The following GSTO2 variants were observed in gnomAD, a reference collection of about 807,000 sequenced individuals.
GSTO2 encodes the protein glutathione S-transferase omega 2.
A neutral mutation model predicts 28.4 loss-of-function variants in GSTO2; 23 were observed. The observed-to-expected ratio is 0.81, with a 90% CI of 0.58 to 1.15. The LOEUF is 1.15. GSTO2 is among the 50% of genes most tolerant of loss of function. The probability of loss-of-function intolerance (pLI) is 0.00; values close to 1 mark genes in which losing one functional copy is unlikely to be tolerated. For missense variants in GSTO2, 298 were observed against 297.8 expected (o/e 1.00, Z 0.00); for synonymous variants, 109 against 111.0 (o/e 0.98, Z 0.11).
chr10:104,301,741 T>TC lies in GSTO2; in HGVS notation c.*2461dup, dbSNP rs1177561694. On this transcript the variant is annotated 3_prime_UTR_variant, in exon 7 of 7. Coordinates refer to ENST00000338595, the MANE Select transcript of GSTO2 (RefSeq NM_183239.2). ...TTAGTAATTGGTGTCTACCTTTTTT[T>TC]CCCCTTTTCTTTTAAATAATAGAGA... is the stretch of plus-strand genomic sequence containing the variant. The TC allele has an allele frequency of 6.6e-6, 1 of 152,220 alleles. No individual in the cohort carries two copies. Among genetic ancestry groups the TC allele is most frequent in the Non-Finnish European group, 1.5e-5 (1 of 68,030 alleles). The allele number at this position is 152,220 out of a possible 1,614,324, so 9.4% of individuals were successfully genotyped here.
chr10:104,293,194 T>A (rs969709317), intron 5 of GSTO2, among the ~76,000 whole-genome samples: 1 of 152,180 alleles, frequency 6.6e-6, no homozygotes, highest in African/African-American at 2.4e-5. Context: ...AGGAGGAAAT[T>A]CTTTTCACAG....
rs1306142129 is a variant in GSTO2, at chr10:104,297,648, C to G, written c.539C>G (p.Pro180Arg). 7 of 1,613,654 alleles carry G rather than the reference C, an allele frequency of 4.3e-6. No homozygotes were observed. The highest frequency in any genetic ancestry group is 1.7e-5 in the Admixed American group (1 of 60,000). Residue 180 changes from proline (P) to arginine (R), a missense_variant, in exon 6 of 7, where the codon CCC (proline) becomes CGC (arginine). Transcript: ENST00000338595. ...TCCATGATTGATTACCTCCTCTGGC[C>G]CTGGTTTGAGCGGCTGGATGTGTAT... is the stretch of plus-strand genomic sequence containing the variant. ...CISMIDYLLW[P>R]WFERLDVYGI...
rs1413897707 is a variant in GSTO2, at chr10:104,281,032, C to T, written c.468+1561C>T. On this transcript the variant is annotated intron_variant, in intron 5 of 6. Transcript: ENST00000338595. ...ATCTTAGGCTTGGCTTTACTGAATT[C>T]CAGAACCTTGGGCAATGTTCTGTAC... 2.0e-5 allele frequency among the ~76,000 whole-genome samples: 3 copies of T among 152,310 alleles called. No individual in the cohort carries two copies. The South Asian group carries it at 6.2e-4, about 32-fold the overall frequency.
chr10:104,284,182 A>G (rs1589865764), intron 5 of GSTO2, among the ~76,000 whole-genome samples: 2 of 152,066 alleles, frequency 1.3e-5, no homozygotes, highest in Non-Finnish European at 2.9e-5. Flanking sequence ...CAACATGGCA[A>G]AACCTTATCT....
chr10:104,292,716 A>G (rs1385211579), intron 5 of GSTO2, among the ~76,000 whole-genome samples: 2 of 152,180 alleles, frequency 1.3e-5, no homozygotes, highest in Admixed American at 6.5e-5. Context: ...TCAGCCTCCC[A>G]AAGTGCTGGG....
chr10:104,272,215 A>T (rs1342240304), intron 1 of GSTO2, among the ~76,000 whole-genome samples: 1 of 148,866 alleles, frequency 6.7e-6, no homozygotes, highest in Non-Finnish European at 1.5e-5. Context: ...TGTGAATCTA[A>T]AACTTTTTTT....
chr10:104,274,500 A>G (rs693873), intron 1 of GSTO2, among the ~76,000 whole-genome samples, 185 bp from the exon 2 acceptor site: 1,871 of 151,810 alleles, frequency 0.012, 28 homozygotes, highest in African/African-American at 0.043. Flanking sequence ...TCAGAATGGG[A>G]AAAAAAAAGT....
At chr10:104,282,557 A>G (rs917533560) in intron 5 of GSTO2, among the ~76,000 whole-genome samples, 4 of 151,522 alleles carry the variant, frequency 2.6e-5, no homozygotes, top group Non-Finnish European at 4.4e-5. Flanking sequence ...CTATCTCAAA[A>G]AAAAAAAAAA....
intron 4 of GSTO2, among the ~76,000 whole-genome samples, chr10:104,278,563 C>A (rs931047297): frequency 6.6e-6 from 1 of 152,204 alleles, no homozygotes; most frequent in African/African-American, 2.4e-5. Flanking sequence ...CTCACTGCAA[C>A]CTCTGCCACC....
chr10:104,270,174 C>T (rs1317596258), intron 1 of GSTO2, among the ~76,000 whole-genome samples: 1 of 152,170 alleles, frequency 6.6e-6, no homozygotes, highest in African/African-American at 2.4e-5. Flanking sequence ...CCACCGCGCC[C>T]GGCTAATTTT....
intron 1 of GSTO2, among the ~76,000 whole-genome samples, chr10:104,272,586 A>ATTTTTTTTTTTTTTTTTTTTTTTT (rs1564841555): frequency 1.8e-5 from 1 of 56,900 alleles, no homozygotes. Context: ...CAGTTATGGG[A>ATTTTTTTTTTTTTTTTTTTTTTTT]CTTTTTTTTT....
At chr10:104,275,402 A>G in intron 3 of GSTO2, 68 bp downstream of exon 3, 1 of 1,443,268 alleles carries the variant, frequency 6.9e-7, no homozygotes, top group Non-Finnish European at 9.7e-7. Flanking sequence ...AATGTTTAAC[A>G]TCTGGGGCGC....
chr10:104,269,621 C>T (rs1183457652), intron 1 of GSTO2, among the ~76,000 whole-genome samples: 1 of 152,210 alleles, frequency 6.6e-6, no homozygotes, highest in African/African-American at 2.4e-5. Flanking sequence ...GTTTAAGGCA[C>T]TGGCAAGCAG....
chr10:104,270,749 G>T (rs1238552097), intron 1 of GSTO2, among the ~76,000 whole-genome samples: 1 of 149,094 alleles, frequency 6.7e-6, no homozygotes, highest in East Asian at 1.9e-4. Context: ...TTATTAAGAG[G>T]AATGTACTCC....
At chr10:104,291,450 T>G (rs2012760079) in intron 5 of GSTO2, 3 of 152,130 alleles carry the variant, frequency 2.0e-5, no homozygotes, top group Admixed American at 1.3e-4. Flanking sequence ...TGGGATTCGC[T>G]TCTCCTAATG....
chr10:104,290,577 G>A (rs2012717127), intron 5 of GSTO2, among the ~76,000 whole-genome samples: 1 of 150,790 alleles, frequency 6.6e-6, no homozygotes, highest in South Asian at 2.1e-4. Flanking sequence ...AAAAGAATGA[G>A]ATCCTGTCAT....
intron 5 of GSTO2, among the ~76,000 whole-genome samples, chr10:104,290,191 C>T (rs369968078): frequency 6.6e-6 from 1 of 152,010 alleles, no homozygotes; most frequent in Non-Finnish European, 1.5e-5. Context: ...TAAGTGTGCA[C>T]GAATAAGGAA....
intron 1 of GSTO2, among the ~76,000 whole-genome samples, chr10:104,269,526 G>T (rs1232337860): frequency 1.3e-5 from 2 of 152,150 alleles, no homozygotes; most frequent in African/African-American, 4.8e-5. Context: ...TATTTTTTCT[G>T]ATTTGGCTGG....
intron 3 of GSTO2, among the ~76,000 whole-genome samples, chr10:104,276,882 AAAT>A (rs528590617): frequency 1.3e-3 from 203 of 152,356 alleles, no homozygotes; most frequent in African/African-American, 4.7e-3. Context: ...ATAGTTATCT[AAAT>A]AATAATTGTA....
Sources: allele counts gnomAD v4.1 joint callset (sites outside exome capture counted in the v4.1 genomes callset), GRCh38; gene constraint gnomAD v4.1.1; transcripts MANE v1.5; gene names NCBI Gene and HGNC (gene_info 2026-07-23, HGNC 2026-07-21).